FAM219B: variants seen among roughly 807,000 people sequenced by gnomAD.
FAM219B encodes family with sequence similarity 219 member B, also known as protein FAM219B.
In FAM219B, 18 loss-of-function variants were observed where a neutral mutation model predicts 19.9. The observed-to-expected ratio is 0.91, with a 90% CI of 0.63 to 1.34. The LOEUF (loss-of-function observed/expected upper bound fraction) is 1.34, where lower values mean the gene tolerates loss of function less well. Ranked by LOEUF, FAM219B falls within the 40% of genes most tolerant of loss-of-function variation. FAM219B has a pLI of 0.00. For synonymous variants in FAM219B, 123 were observed against 117.5 expected, an observed-to-expected ratio of 1.05 and a Z score of -0.30; for missense variants, 283 against 270.5, an observed-to-expected ratio of 1.05 and a Z score of -0.32.
In FAM219B at chr15:74,906,259, A is replaced by T. The variant is rs367778326; in HGVS notation, c.302+19T>A. On this transcript the variant is annotated intron_variant, in intron 2 of 4. Transcript: ENST00000357635. ...TTCTCTAAAGCTGCTGGCACAGAGG[A>T]GGTGGCGCCTGCTGAGACCTTTTCC... is the stretch of plus-strand genomic sequence containing the variant. The T allele has an allele frequency of 9.2e-5, 148 of 1,611,506 alleles. No homozygotes were observed. The highest frequency in any genetic ancestry group is 1.1e-4 in the Non-Finnish European group (135 of 1,179,264).
intron 3 of FAM219B, chr15:74,904,945 G>C (rs1399213231): frequency 6.5e-7 from 1 of 1,529,528 alleles, no homozygotes; most frequent in Admixed American, 2.0e-5. Flanking sequence ...TGATCCCCCG[G>C]ACATTGGTGC....
intron 3 of FAM219B, 32 bp downstream of exon 3, chr15:74,905,122 C>T (rs775106557): frequency 6.2e-7 from 1 of 1,613,582 alleles, no homozygotes; most frequent in Middle Eastern, 1.7e-4. Context: ...CAAGTTGCTT[C>T]CCAAGGGGGT....
chr15:74,904,840 A>C, intron 3 of FAM219B, 128 bp from the exon 4 acceptor site: 1 of 1,451,566 alleles, frequency 6.9e-7, no homozygotes, highest in Non-Finnish European at 9.6e-7. Flanking sequence ...ACAGAACTCA[A>C]GTCCGAACAG....
chr15:74,903,879 A>G (rs887764187), intron 4 of FAM219B, among the ~76,000 whole-genome samples: 6 of 152,146 alleles, frequency 3.9e-5, no homozygotes, highest in African/African-American at 7.2e-5. Flanking sequence ...TCTATCTGGG[A>G]CAGTCACTCT....
Position 74,902,801 on chromosome 15 carries a change from G to A in FAM219B, c.430-15C>T, listed in dbSNP as rs1306250521. 2 of 1,599,056 alleles carry A rather than the reference G, an allele frequency of 1.3e-6. No individual in the cohort carries two copies. Among genetic ancestry groups the A allele is most frequent in the East Asian group, 2.3e-5 (1 of 44,420 alleles). On this transcript the variant is annotated splice_polypyrimidine_tract_variant and intron_variant, in intron 4 of 4. Transcript: ENST00000357635. ...TGGTTCACCTGCTAAGAGAAGGAGAGGAGGGAACTATAGGCCAAGATGCAA... is the reference window on the plus strand; with the variant it reads ...TGGTTCACCTGCTAAGAGAAGGAGAAGAGGGAACTATAGGCCAAGATGCAA...
rs1595844708 is a variant in FAM219B, at chr15:74,904,575, T to G, written c.429+89A>C. 2.1e-6 allele frequency: 3 copies of G among 1,461,900 alleles called. No homozygotes were observed. In the East Asian group the frequency reaches 6.8e-5, roughly 33 times the overall value. 90.6% of individuals were successfully genotyped at this position (1,461,900 alleles called of 1,614,324 possible). A position where few individuals can be genotyped will look rare whatever the true frequency, so the allele number is the denominator to read the frequency against. On this transcript the variant is annotated intron_variant, in intron 4 of 4. Transcript: ENST00000357635. ...AGACCAGAAGTCTGGCACAGTGCTG[T>G]GCTCACAGCGGGCACCAAACAAGCA... is the stretch of plus-strand genomic sequence containing the variant.
In FAM219B at chr15:74,906,648, C is replaced by A; in HGVS notation, c.153G>T (p.Ala51=). Residue 51 remains alanine, a synonymous_variant, in exon 1 of 5, where the codon GCG becomes GCT. Coordinates refer to ENST00000357635, the MANE Select transcript of FAM219B (RefSeq NM_020447.5). ...RALRLGERTP[A]AVEKRGPYMV... is the part of the protein sequence containing the mutation. ...TGTATGGCCCCCGCTTTTCCACGGC[C>A]GCGGGGGTGCGCTCCCCCAGACGGA... is the stretch of plus-strand genomic sequence containing the variant. 6.6e-7 allele frequency: 1 copy of A among 1,506,972 alleles called. No homozygotes were observed. Among genetic ancestry groups the A allele is most frequent in the Non-Finnish European group, 8.8e-7 (1 of 1,132,296 alleles). The allele number at this position is 1,506,972 out of a possible 1,614,324, so 93.4% of individuals were successfully genotyped here. A position where few individuals can be genotyped will look rare whatever the true frequency, so the allele number is the denominator to read the frequency against.
chr15:74,902,882 T>G, intron 4 of FAM219B, 96 bp from the exon 5 acceptor site: 1 of 1,422,810 alleles, frequency 7.0e-7, no homozygotes, highest in Non-Finnish European at 9.5e-7. Flanking sequence ...CAGGGCTTCC[T>G]GTCCATGTCC....
intron 4 of FAM219B, among the ~76,000 whole-genome samples, chr15:74,903,414 C>G (rs2141237331): frequency 6.6e-6 from 1 of 152,078 alleles, no homozygotes. Context: ...TCCTGGCTAA[C>G]ATGGTGAAAC....
chr15:74,903,304 A>T (rs1361822952), intron 4 of FAM219B, among the ~76,000 whole-genome samples: 1 of 152,164 alleles, frequency 6.6e-6, no homozygotes, highest in Non-Finnish European at 1.5e-5. Context: ...AGTTCACTGA[A>T]CATAAGAAAA....
intron 4 of FAM219B, among the ~76,000 whole-genome samples, chr15:74,904,007 C>A (rs1194231435): frequency 6.6e-6 from 1 of 152,138 alleles, no homozygotes; most frequent in Non-Finnish European, 1.5e-5. Flanking sequence ...GAAAGATGGG[C>A]AGGGGAGAGA....
intron 4 of FAM219B, 59 bp downstream of exon 4, chr15:74,904,605 G>A (rs1012402587): frequency 3.8e-6 from 6 of 1,588,284 alleles, no homozygotes; most frequent in Non-Finnish European, 5.2e-6. Flanking sequence ...CAAGCATTTG[G>A]CAGTGGTGGT....
Position 74,900,025 on chromosome 15 carries a change from G to A in FAM219B, c.*2594C>T, listed in dbSNP as rs1429923041. The stretch of plus-strand genomic sequence containing the variant: ...TTGCATTTATTCTTATAAATGTACA[G>A]AGCTGTAGAAGTGCAAGCCAAGAGT... On this transcript the variant is annotated 3_prime_UTR_variant, in exon 5 of 5. Coordinates refer to ENST00000357635, the MANE Select transcript of FAM219B (RefSeq NM_020447.5). The A allele has an allele frequency of 6.6e-6, 1 of 152,252 alleles. No homozygotes were observed. The highest frequency in any genetic ancestry group is 1.5e-5 in the Non-Finnish European group (1 of 68,054). 9.4% of individuals were successfully genotyped at this position (152,252 alleles called of 1,614,324 possible).
chr15:74,903,388 C>T lies in FAM219B; in HGVS notation c.430-602G>A, dbSNP rs2065045138. Among the ~76,000 whole-genome samples, 3 of 151,404 alleles carry T rather than the reference C, an allele frequency of 2.0e-5. No individual in the cohort carries two copies. The South Asian group carries it at 6.2e-4, about 31-fold the overall frequency. ...GGCCGAGGCAGGTGGATCACGAGGT[C>T]AGGAGATCGAGACCATCCTGGCTAA... On this transcript the variant is annotated intron_variant, in intron 4 of 4. Transcript: ENST00000357635.
intron 2 of FAM219B, chr15:74,905,485 G>A (rs755216699): frequency 1.3e-4 from 50 of 372,404 alleles, no homozygotes; most frequent in East Asian, 9.4e-4. Flanking sequence ...GTGCAGTGGC[G>A]CGATCTCGGC....
At chr15:74,904,855 T>C in intron 3 of FAM219B, 143 bp from the exon 4 acceptor site, 1 of 1,424,382 alleles carries the variant, frequency 7.0e-7, no homozygotes, top group Non-Finnish European at 9.7e-7. Flanking sequence ...GAACAGGCCT[T>C]GAATAATACT....
At chr15:74,899,692 T>C (rs2064878682), downstream of FAM219B, 1 of 152,228 alleles carries the variant, frequency 6.6e-6, no homozygotes, top group African/African-American at 2.4e-5. Flanking sequence ...AGTGGCGCGA[T>C]AGCTCACTGC....
In FAM219B at chr15:74,902,719, T is replaced by A. The variant is rs761067274; in HGVS notation, c.497A>T (p.Asp166Val). 1 of 1,612,974 alleles carries A rather than the reference T, an allele frequency of 6.2e-7. No individual in the cohort carries two copies. The highest frequency in any genetic ancestry group is 8.5e-7 in the Non-Finnish European group (1 of 1,179,478). ...AGGGGGGATGAGGTCCAAGTCCTCG[T>A]CATCTGGAATCTCATCCAGGTGATA... ...DGYHLDEIPD[D>V]EDLDLIPPKP... Residue 166 changes from aspartate (D) to valine (V), a missense_variant, in exon 5 of 5, where the codon GAC becomes GTC. Physicochemically the swap from Asp to Val is radical, Grantham distance 152 (BLOSUM62 -3). Coordinates refer to ENST00000357635, the MANE Select transcript of FAM219B (RefSeq NM_020447.5).
rs539374746 is a variant in FAM219B, at chr15:74,903,271, G to A, written c.430-485C>T. On this transcript the variant is annotated intron_variant, in intron 4 of 4. Coordinates refer to ENST00000357635, the MANE Select transcript of FAM219B (RefSeq NM_020447.5). The stretch of plus-strand genomic sequence containing the variant: ...CAACAGAGGTGGGTTCCTGCAAAGT[G>A]GAATTTGTTGGTTGGTTTCATCAGT... Among the ~76,000 whole-genome samples the A allele has an allele frequency of 4.3e-4, 65 of 152,124 alleles. 4 individuals carry two copies. The highest frequency in any genetic ancestry group is 5.9e-5 in the Non-Finnish European group (4 of 68,016).
Sources: allele counts gnomAD v4.1 joint callset (sites outside exome capture counted in the v4.1 genomes callset), GRCh38; gene constraint gnomAD v4.1.1; transcripts MANE v1.5; gene names NCBI Gene and HGNC (gene_info 2026-07-23, HGNC 2026-07-21).